YPEL2: variants seen among roughly 807,000 people sequenced by gnomAD.
The protein encoded by YPEL2 is protein yippee-like 2.
Under a neutral mutation model 19.1 loss-of-function variants are expected in YPEL2, and 2 were observed. That is an observed-to-expected ratio of 0.10 (90% CI 0.04 to 0.33). YPEL2 has a LOEUF of 0.33. Ranked by LOEUF, YPEL2 falls within the 10% of genes least tolerant of loss-of-function variation. The pLI, the probability that YPEL2 is intolerant of heterozygous loss-of-function variation, is 1.00. For missense variants in YPEL2, 66 were observed against 140.7 expected (o/e 0.47, Z 2.68); for synonymous variants, 52 against 50.0 (o/e 1.04, Z -0.17).
chr17:59,377,606 C>T (rs1450462661), intron 2 of YPEL2, among the ~76,000 whole-genome samples: 1 of 152,342 alleles, frequency 6.6e-6, no homozygotes, highest in South Asian at 2.1e-4. Context: ...TCTGCTTTCC[C>T]ACTGGCTGCA....
chr17:59,368,530 A>T (rs1182768172), intron 2 of YPEL2, among the ~76,000 whole-genome samples: 1 of 152,254 alleles, frequency 6.6e-6, no homozygotes, highest in South Asian at 2.1e-4. Flanking sequence ...ATGTTTACTA[A>T]GATGAGTGTT....
intron 1 of YPEL2, among the ~76,000 whole-genome samples, chr17:59,340,372 G>A (rs778972587): frequency 6.6e-6 from 1 of 151,974 alleles, no homozygotes; most frequent in Non-Finnish European, 1.5e-5. Context: ...GCCTCCCAAA[G>A]TGCTGGGATT....
At chr17:59,373,973 CAA>C (rs774701583) in intron 2 of YPEL2, among the ~76,000 whole-genome samples, 1 of 152,208 alleles carries the variant, frequency 6.6e-6, no homozygotes, top group Admixed American at 6.5e-5. Flanking sequence ...TTTGAAAACA[CAA>C]GAGAAGTCTG....
At chr17:59,383,376 A>G (rs1437137898) in intron 2 of YPEL2, among the ~76,000 whole-genome samples, 13 of 150,964 alleles carry the variant, frequency 8.6e-5, no homozygotes, top group African/African-American at 3.2e-4. Context: ...AGGCGGGTGG[A>G]TCATGAGGTC....
At chr17:59,389,108 A>T (rs1598052546) in intron 3 of YPEL2, 1 of 505,832 alleles carries the variant, frequency 2.0e-6, no homozygotes, top group African/African-American at 1.9e-5. Flanking sequence ...AAAAATTAAA[A>T]TTTTAAGCAA....
At chr17:59,354,010 A>G (rs1208143907) in intron 2 of YPEL2, 2 of 246,822 alleles carry the variant, frequency 8.1e-6, no homozygotes. Context: ...GGCTTGTTGA[A>G]GAGCTGACCT....
At chr17:59,364,612 C>CTTTTTT (rs56282847) in intron 2 of YPEL2, among the ~76,000 whole-genome samples, 24 of 108,702 alleles carry the variant, frequency 2.2e-4, no homozygotes, top group South Asian at 2.9e-4. Flanking sequence ...CCCTCTGTGT[C>CTTTTTT]TTTTTTTTTT....
In YPEL2 at chr17:59,349,973, T is replaced by G. The variant is rs572042580; in HGVS notation, c.-195-3242T>G. The stretch of plus-strand genomic sequence containing the variant: ...TGTGCCTGGCCCTACAGGCCTTTCT[T>G]GATCCTGCTTCTCCTTGCTTTCTAC... On this transcript the variant is annotated intron_variant, in intron 1 of 4. Transcript: ENST00000312655. 5.4e-4 allele frequency among the ~76,000 whole-genome samples: 83 copies of G among 152,344 alleles called. 1 individual carries two copies. Among genetic ancestry groups the G allele is most frequent in the African/African-American group, 1.9e-3 (80 of 41,594 alleles).
At chr17:59,374,736 C>T (rs940176887) in intron 2 of YPEL2, among the ~76,000 whole-genome samples, 2 of 152,096 alleles carry the variant, frequency 1.3e-5, no homozygotes, top group Non-Finnish European at 2.9e-5. Context: ...TTGAAGGGAC[C>T]GGTAGGAAGA....
chr17:59,386,571 T>C (rs1209459583), intron 2 of YPEL2, among the ~76,000 whole-genome samples: 1 of 151,814 alleles, frequency 6.6e-6, no homozygotes, highest in Admixed American at 6.6e-5. Flanking sequence ...GTGAAGGACA[T>C]AATGGGGAGG....
intron 4 of YPEL2, among the ~76,000 whole-genome samples, chr17:59,393,586 C>G (rs1295247054): frequency 6.9e-6 from 1 of 144,448 alleles, no homozygotes; most frequent in Admixed American, 7.0e-5. Flanking sequence ...GGTCATAGGA[C>G]AATAGTGGAG....
chr17:59,374,074 C>G (rs996571212), intron 2 of YPEL2, among the ~76,000 whole-genome samples: 1 of 152,200 alleles, frequency 6.6e-6, no homozygotes, highest in African/African-American at 2.4e-5. Flanking sequence ...AGACCTTGCT[C>G]AATCCCTTCA....
At chr17:59,380,008 G>T (rs570072050) in intron 2 of YPEL2, among the ~76,000 whole-genome samples, 1 of 151,986 alleles carries the variant, frequency 6.6e-6, no homozygotes, top group South Asian at 2.1e-4. Context: ...TTACAGGCAT[G>T]CATCACCACG....
intron 1 of YPEL2, among the ~76,000 whole-genome samples, chr17:59,351,563 C>G (rs979954933): frequency 9.2e-5 from 14 of 151,812 alleles, no homozygotes; most frequent in African/African-American, 3.4e-4. Flanking sequence ...GTTCTGGATC[C>G]AAAAGTTTAT....
intron 4 of YPEL2, among the ~76,000 whole-genome samples, chr17:59,394,625 G>A (rs1010789791): frequency 6.6e-6 from 1 of 151,334 alleles, no homozygotes; most frequent in South Asian, 2.1e-4. Flanking sequence ...AGGCAGAGGG[G>A]CTCCTCACAT....
At chr17:59,361,164 G>A (rs966137235) in intron 2 of YPEL2, among the ~76,000 whole-genome samples, 1 of 152,188 alleles carries the variant, frequency 6.6e-6, no homozygotes, top group African/African-American at 2.4e-5. Flanking sequence ...TTGGTCCACA[G>A]TGGGACCATT....
At chr17:59,390,594 T>C (rs2048002849) in intron 4 of YPEL2, among the ~76,000 whole-genome samples, 2 of 152,220 alleles carry the variant, frequency 1.3e-5, no homozygotes, top group African/African-American at 4.8e-5. Context: ...CTCTCCCAAA[T>C]GGACAATTAT....
rs9901998 is a variant in YPEL2, at chr17:59,394,025, T to C, written c.271-3076T>C. On this transcript the variant is annotated intron_variant, in intron 4 of 4. Transcript: ENST00000312655. Reference sequence around the variant, plus strand: ...TCATGGCCCGTTCTCAATGAGCTGTTGGGTACACCTTCCAGACGGGGTGGT... The same window carrying C: ...TCATGGCCCGTTCTCAATGAGCTGTCGGGTACACCTTCCAGACGGGGTGGT... Among the ~76,000 whole-genome samples, 267 of 152,370 alleles carry C rather than the reference T, an allele frequency of 1.8e-3. 1 individual carries two copies. Among genetic ancestry groups the C allele is most frequent in the Middle Eastern group, 6.8e-3 (2 of 294 alleles).
chr17:59,364,112 A>T (rs1002517298), intron 2 of YPEL2, among the ~76,000 whole-genome samples: 1 of 152,110 alleles, frequency 6.6e-6, no homozygotes, highest in East Asian at 1.9e-4. Flanking sequence ...TTTATGTATA[A>T]TTGTCTTGCT....
Sources: gnomAD v4.1 joint callset for allele counts (sites outside exome capture counted in the v4.1 genomes callset) on GRCh38, gnomAD v4.1.1 for gene constraint, MANE v1.5 for transcripts, NCBI Gene and HGNC (gene_info 2026-07-23, HGNC 2026-07-21) for gene names.